The following LGALS8 variants were observed in gnomAD, a reference collection of about 807,000 sequenced individuals.
LGALS8 encodes galectin-8.
A neutral mutation model predicts 35.9 loss-of-function variants in LGALS8; 30 were observed. That is an observed-to-expected ratio of 0.83 (90% CI 0.62 to 1.13). The LOEUF (loss-of-function observed/expected upper bound fraction) is 1.13, where lower values mean the gene tolerates loss of function less well. LGALS8 is among the 50% of genes most tolerant of loss of function. The pLI, the probability that LGALS8 is intolerant of heterozygous loss-of-function variation, is 0.00. For missense variants in LGALS8, 366 were observed against 388.7 expected, an observed-to-expected ratio of 0.94 and a Z score of 0.49; for synonymous variants, 138 against 136.1, an observed-to-expected ratio of 1.01 and a Z score of -0.10.
Position 236,528,381 on chromosome 1 carries a change from CAA to C in LGALS8, c.45+2278_45+2279del, listed in dbSNP as rs71178325. Among the ~76,000 whole-genome samples the C allele has an allele frequency of 1.3e-3, 105 of 80,060 alleles. 2 individuals are homozygous for C. Among genetic ancestry groups the C allele is most frequent in the African/African-American group, 3.6e-3 (81 of 22,478 alleles). The allele number at this position is 80,060 out of a possible 152,430, so 52.5% of individuals were successfully genotyped here. A position where few individuals can be genotyped will look rare whatever the true frequency, so the allele number is the denominator to read the frequency against. ...TGGGTGACAGAGCGAGACTCCATCT[CAA>C]AAAAAAAAAAACCCCCCCACACACA... On this transcript the variant is annotated intron_variant, in intron 2 of 9. Coordinates refer to ENST00000366584, the MANE Select transcript of LGALS8 (RefSeq NM_201544.4).
intron 3 of LGALS8, among the ~76,000 whole-genome samples, chr1:236,538,086 CAAAAA>C (rs548113542): frequency 0.14 from 6,814 of 50,118 alleles, 858 homozygotes; most frequent in African/African-American, 0.3. Context: ...GCCTGGGTGA[CAAAAA>C]AAAAAAAGAA....
chr1:236,520,167 G>C (rs1323540217), upstream of LGALS8, among the ~76,000 whole-genome samples: 2 of 151,706 alleles, frequency 1.3e-5, no homozygotes, highest in Non-Finnish European at 2.9e-5. Context: ...ATATTGGCCA[G>C]GCTGGTCTCA....
intron 4 of LGALS8, chr1:236,539,309 C>T: frequency 3.6e-6 from 2 of 559,268 alleles, no homozygotes; most frequent in Non-Finnish European, 3.2e-6. Flanking sequence ...ATATGGTCCA[C>T]TGTGACCAGA....
intron 2 of LGALS8, among the ~76,000 whole-genome samples, chr1:236,528,992 A>C (rs1660990065): frequency 6.6e-6 from 1 of 152,200 alleles, no homozygotes; most frequent in Non-Finnish European, 1.5e-5. Flanking sequence ...GTCAGGCTCT[A>C]AGGCTGGGTC....
chr1:236,526,192 C>A lies in LGALS8; in HGVS notation c.45+77C>A. ...AGAATATTAATTATCCATTGGGAGACAGGGCAAGAATAAAAGCCAGTGAAC... is the reference window on the plus strand; with the variant it reads ...AGAATATTAATTATCCATTGGGAGAAAGGGCAAGAATAAAAGCCAGTGAAC... On this transcript the variant is annotated intron_variant, in intron 2 of 9. Coordinates refer to ENST00000366584, the MANE Select transcript of LGALS8 (RefSeq NM_201544.4). This position sits in a 1 kb window ranked among gnomAD's most constrained non-coding sequence, Gnocchi z 4.6. The A allele has an allele frequency of 9.4e-7, 1 of 1,067,642 alleles. No homozygotes were observed. The highest frequency in any genetic ancestry group is 1.4e-6 in the Non-Finnish European group (1 of 699,750). 66.1% of individuals were successfully genotyped at this position (1,067,642 alleles called of 1,614,324 possible).
upstream of LGALS8, among the ~76,000 whole-genome samples, chr1:236,520,541 T>C (rs1660521812): frequency 6.6e-6 from 1 of 152,160 alleles, no homozygotes. Flanking sequence ...CTCAACACAC[T>C]TCAGAGTCAG....
chr1:236,543,969 G>A (rs1662199303), intron 8 of LGALS8, among the ~76,000 whole-genome samples: 1 of 150,936 alleles, frequency 6.6e-6, no homozygotes, highest in Non-Finnish European at 1.5e-5. Context: ...TTTTGAGATG[G>A]AGCCTCACTG....
chr1:236,536,358 T>C (rs1472743860), intron 2 of LGALS8: 2 of 152,366 alleles, frequency 1.3e-5, no homozygotes, highest in East Asian at 3.9e-4. Flanking sequence ...GGCAGCCACA[T>C]AGCACAGGTC....
upstream of LGALS8, among the ~76,000 whole-genome samples, chr1:236,522,842 G>A (rs1266298449): frequency 6.6e-6 from 1 of 152,194 alleles, no homozygotes; most frequent in Non-Finnish European, 1.5e-5. Flanking sequence ...AAATGGGTAA[G>A]GAGGAGAGAA....
rs530653200 is a variant in LGALS8 at position 236,551,421 on chromosome 1, A to C, written c.*3260A>C. 6.1e-6 allele frequency: 1 copy of C among 163,258 alleles called. No homozygotes were observed. The highest frequency in any genetic ancestry group is 1.3e-5 in the Non-Finnish European group (1 of 75,282). The allele number at this position is 163,258 out of a possible 1,614,324, so 10.1% of individuals were successfully genotyped here. A position where few individuals can be genotyped will look rare whatever the true frequency, so the allele number is the denominator to read the frequency against. On this transcript the variant is annotated 3_prime_UTR_variant, in exon 10 of 10. Transcript: ENST00000366584. ...CTGGGCCTAAGACTCTATGTTCCAG[A>C]ACTGTCACAGCTCCCCATGTCACAC...
In LGALS8 at chr1:236,548,097, T is replaced by C; in HGVS notation, c.890T>C (p.Leu297Pro). Residue 297 changes from leucine to proline, a missense_variant, in exon 10 of 10, where the codon CTC becomes CCC. Transcript: ENST00000366584. ...GAGTACAAACACAGATTTAAAGAGCTCAGCAGTATTGACACGCTGGAAATT... is the reference window on the plus strand; with the variant it reads ...GAGTACAAACACAGATTTAAAGAGCCCAGCAGTATTGACACGCTGGAAATT... ...SLEYKHRFKE[L>P]SSIDTLEING... The C allele has an allele frequency of 1.9e-6, 3 of 1,613,860 alleles. No homozygotes were observed. The highest frequency in any genetic ancestry group is 2.5e-6 in the Non-Finnish European group (3 of 1,179,778).
rs762785212 is a variant in LGALS8 at position 236,540,609 on chromosome 1, G to A, written c.391G>A (p.Gly131Ser). ...KHTLLYGHRI[G>S]PEKIDTLGIY... is the part of the protein sequence containing the mutation. ...TACTCTGCTCTATGGCCACAGGATCGGCCCAGAGAAAATAGACACTCTGGG... is the reference window on the plus strand; with the variant it reads ...TACTCTGCTCTATGGCCACAGGATCAGCCCAGAGAAAATAGACACTCTGGG... Residue 131 changes from glycine to serine, a missense_variant, in exon 5 of 10, where the codon GGC becomes AGC. Gly to Ser is a moderately conservative substitution (Grantham distance 56, BLOSUM62 0). Coordinates refer to ENST00000366584, the MANE Select transcript of LGALS8 (RefSeq NM_201544.4). 1.2e-5 allele frequency: 19 copies of A among 1,610,218 alleles called. No homozygotes were observed. The Middle Eastern group carries it at 4.9e-4, about 42-fold the overall frequency.
intron 3 of LGALS8, among the ~76,000 whole-genome samples, chr1:236,538,321 T>C (rs529753318): frequency 9.0e-4 from 137 of 152,276 alleles, no homozygotes; most frequent in African/African-American, 3.1e-3. Context: ...AAATTAAGTC[T>C]CAAGGAGACA....
At chr1:236,522,841 A>G (rs1432949096), upstream of LGALS8, among the ~76,000 whole-genome samples, 2 of 152,226 alleles carry the variant, frequency 1.3e-5, no homozygotes, top group Non-Finnish European at 2.9e-5. Context: ...AAAATGGGTA[A>G]GGAGGAGAGA....
At chr1:236,545,232 A>G (rs571850481) in intron 9 of LGALS8, 1 of 146,046 alleles carries the variant, frequency 6.8e-6, no homozygotes, top group African/African-American at 2.6e-5. Flanking sequence ...TCATATAAGC[A>G]GACTTGAGGA....
At chr1:236,530,144 G>A (rs1411030229) in intron 2 of LGALS8, among the ~76,000 whole-genome samples, 2 of 152,228 alleles carry the variant, frequency 1.3e-5, no homozygotes, top group Non-Finnish European at 2.9e-5. Flanking sequence ...ATTTAGAAAT[G>A]AAACAGAATT....
rs1004709296 is a variant in LGALS8 at position 236,542,480 on chromosome 1, T to C, written c.523-281T>C. On this transcript the variant is annotated intron_variant, in intron 6 of 9. Transcript: ENST00000366584. ...GGATGACAGAGTAAGACCCTGTCTC[T>C]TAAAAAAATTTCATATAGTTCTATG... is the stretch of plus-strand genomic sequence containing the variant. The C allele has an allele frequency of 2.2e-5, 11 of 489,238 alleles. No individual in the cohort carries two copies. The Admixed American group carries it at 3.8e-4, about 17-fold the overall frequency. The allele number at this position is 489,238 out of a possible 1,614,324, so 30.3% of individuals were successfully genotyped here.
intron 2 of LGALS8, among the ~76,000 whole-genome samples, chr1:236,528,571 A>T (rs1426190276): frequency 2.9e-5 from 1 of 34,480 alleles, no homozygotes. Context: ...TTTTTTTTTA[A>T]GACAGAGGCT....
upstream of LGALS8, among the ~76,000 whole-genome samples, chr1:236,518,951 G>A (rs893626341): frequency 2.6e-5 from 4 of 152,074 alleles, no homozygotes; most frequent in Admixed American, 2.0e-4. Flanking sequence ...GGTTCACATC[G>A]ATAGAATATG....
Sources: gnomAD v4.1 joint callset for allele counts (sites outside exome capture counted in the v4.1 genomes callset) on GRCh38, gnomAD v4.1.1 for gene constraint, Gnocchi (gnomAD v3.1) non-coding constraint, MANE v1.5 for transcripts, NCBI Gene and HGNC (gene_info 2026-07-23, HGNC 2026-07-21) for gene names.